The following ASPH variants were observed in gnomAD, a reference collection of about 807,000 sequenced individuals.
The protein encoded by ASPH is aspartate beta-hydroxylase.
Under a neutral mutation model 118.4 loss-of-function variants are expected in ASPH, and 100 were observed. The observed-to-expected ratio is 0.84, with a 90% CI of 0.72 to 1.00. The LOEUF is 1.00. ASPH is among the 50% of genes least tolerant of loss of function. ASPH has a pLI of 0.00. For missense variants in ASPH, 920 were observed against 919.5 expected (o/e 1.00, Z -0.01); for synonymous variants, 315 against 325.6 (o/e 0.97, Z 0.35).
At chr8:61,584,131 C>G in intron 14 of ASPH, 102 bp from the exon 15 acceptor site, 4 of 701,148 alleles carry the variant, frequency 5.7e-6, no homozygotes, top group Non-Finnish European at 6.9e-6. Flanking sequence ...CTGGTCTCCA[C>G]CAAAGACCTG....
chr8:61,642,933 AG>A lies in ASPH; in HGVS notation c.758-14del. 1 of 1,559,416 alleles carries A rather than the reference AG, an allele frequency of 6.4e-7. No homozygotes were observed. Among genetic ancestry groups the A allele is most frequent in the Non-Finnish European group, 8.6e-7 (1 of 1,158,950 alleles). On this transcript the variant is annotated splice_polypyrimidine_tract_variant and intron_variant, in intron 9 of 24. Transcript: ENST00000379454. The stretch of plus-strand genomic sequence containing the variant: ...TATGTTACATCATCTGAAAAAAAAA[AG>A]AGAATAAAAGCAAAATAAGTATTAA...
At chr8:61,580,000 A>T (rs1010964921) in intron 15 of ASPH, among the ~76,000 whole-genome samples, 2 of 151,510 alleles carry the variant, frequency 1.3e-5, no homozygotes, top group African/African-American at 4.9e-5. Flanking sequence ...TGTGGCAGTC[A>T]TTAAATTTTA....
At chr8:61,626,654 C>A (rs1227494989) in intron 13 of ASPH, among the ~76,000 whole-genome samples, 1 of 151,346 alleles carries the variant, frequency 6.6e-6, no homozygotes, top group Non-Finnish European at 1.5e-5. Context: ...CAAGGATCAA[C>A]TGGACACTAT....
intron 16 of ASPH, among the ~76,000 whole-genome samples, chr8:61,567,771 T>A (rs1009642384): frequency 5.9e-5 from 9 of 152,222 alleles, no homozygotes; most frequent in African/African-American, 2.4e-5. Flanking sequence ...CTACTTTGCA[T>A]CCATTTTGGA....
chr8:61,649,952 C>T (rs1326668585), intron 5 of ASPH, among the ~76,000 whole-genome samples: 1 of 152,138 alleles, frequency 6.6e-6, no homozygotes, highest in Admixed American at 6.5e-5. Flanking sequence ...ACTTTCAGGT[C>T]CTTTCCTGTC....
intron 16 of ASPH, among the ~76,000 whole-genome samples, chr8:61,572,018 A>C (rs1429637799): frequency 1.3e-5 from 2 of 152,216 alleles, no homozygotes; most frequent in Non-Finnish European, 2.9e-5. Flanking sequence ...AGAGGAATTT[A>C]TTTGAATCAA....
intron 19 of ASPH, among the ~76,000 whole-genome samples, chr8:61,554,504 T>TTAGC (rs1366405857): frequency 6.6e-6 from 1 of 152,192 alleles, no homozygotes; most frequent in Non-Finnish European, 1.5e-5. Context: ...AGCTATCTAA[T>TTAGC]TAGCTATGTC....
In ASPH at chr8:61,663,146, C is replaced by T. The variant is rs559240988; in HGVS notation, c.323-9486G>A. 2.0e-4 allele frequency: 194 copies of T among 985,362 alleles called. No individual in the cohort carries two copies. The Middle Eastern group carries it at 3.1e-3, about 16-fold the overall frequency. 61.0% of individuals were successfully genotyped at this position (985,362 alleles called of 1,614,324 possible). A position where few individuals can be genotyped will look rare whatever the true frequency, so the allele number is the denominator to read the frequency against. ...GGGATATGGTTTGAGAATCGTGTAA[C>T]TTTCATATGCCTGGGGGACATGTTC... On this transcript the variant is annotated intron_variant, in intron 3 of 24. Coordinates refer to ENST00000379454, the MANE Select transcript of ASPH (RefSeq NM_004318.4).
intron 1 of ASPH, among the ~76,000 whole-genome samples, chr8:61,713,434 C>T (rs566837451): frequency 8.5e-5 from 13 of 152,280 alleles, no homozygotes; most frequent in African/African-American, 2.9e-4. Context: ...TCTCAGAAAA[C>T]AAAGAGTCTA....
At chr8:61,623,236 TAA>T (rs781381011) in intron 13 of ASPH, among the ~76,000 whole-genome samples, 93 of 152,366 alleles carry the variant, frequency 6.1e-4, no homozygotes, top group Admixed American at 2.0e-3. Flanking sequence ...TGTCTTTTGA[TAA>T]AAGTCATTTT....
rs774225355 is a variant in ASPH at position 61,553,080 on chromosome 8, C to T, written c.1577G>A (p.Arg526Lys). ...GGCATCCCCCAGGTGGAAATAAAAT[C>T]TCCCATCATCAGTGCCAGGATCTCC... ...ESGDPGTDDG[R>K]FYFHLGDAMQ... is the part of the protein sequence containing the mutation. Residue 526 changes from arginine to lysine, a missense_variant, in exon 20 of 25, where the codon AGA (arginine) becomes AAA (lysine). Coordinates refer to ENST00000379454, the MANE Select transcript of ASPH (RefSeq NM_004318.4). 38 of 1,613,620 alleles carry T rather than the reference C, an allele frequency of 2.4e-5. 1 individual carries two copies. The South Asian group carries it at 3.5e-4, about 15-fold the overall frequency.
At position 61,578,393 on chromosome 8, in the gene ASPH, C is replaced by T. The variant is rs192587161; in HGVS notation, c.1063-1535G>A. Reference sequence around the variant, plus strand: ...TGGGAGGCGGCTATAGTGGGGCCAGCGGCATGGGAGGCATCACCGCAGTCA... The same window carrying T: ...TGGGAGGCGGCTATAGTGGGGCCAGTGGCATGGGAGGCATCACCGCAGTCA... On this transcript the variant is annotated intron_variant, in intron 15 of 24. Coordinates refer to ENST00000379454, the MANE Select transcript of ASPH (RefSeq NM_004318.4). The T allele has an allele frequency of 5.2e-4, 832 of 1,604,168 alleles. 2 individuals carry two copies. The African/African-American group carries it at 6.1e-3, about 12-fold the overall frequency.
intron 21 of ASPH, 150 bp downstream of exon 21, chr8:61,547,920 GA>G (rs1824511237): frequency 8.6e-7 from 1 of 1,159,816 alleles, no homozygotes; most frequent in African/African-American, 1.6e-5. Context: ...TGGTTAATGA[GA>G]TGACAATTCT....
At chr8:61,627,415 T>C (rs1853413869) in intron 13 of ASPH, among the ~76,000 whole-genome samples, 1 of 152,178 alleles carries the variant, frequency 6.6e-6, no homozygotes, top group African/African-American at 2.4e-5. Flanking sequence ...AGTGGTTACC[T>C]CTGGTTGGGG....
At chr8:61,675,992 C>T (rs1825117391) in intron 3 of ASPH, 21 of 1,562,680 alleles carry the variant, frequency 1.3e-5, no homozygotes, top group Non-Finnish European at 1.6e-5. Flanking sequence ...GCACATTAAG[C>T]CCTGCATAAG....
chr8:61,603,504 C>T (rs761114317), intron 14 of ASPH, among the ~76,000 whole-genome samples: 22 of 152,004 alleles, frequency 1.4e-4, no homozygotes, highest in South Asian at 8.3e-4. Context: ...ACTACTGCTA[C>T]ATAGAAAAAA....
chr8:61,577,946 C>A (rs1413946425), intron 15 of ASPH, among the ~76,000 whole-genome samples: 1 of 152,182 alleles, frequency 6.6e-6, no homozygotes, highest in Non-Finnish European at 1.5e-5. Context: ...AAAACACAAT[C>A]ATGCCTTTAC....
At chr8:61,570,775 C>T (rs1389023313) in intron 16 of ASPH, among the ~76,000 whole-genome samples, 1 of 152,146 alleles carries the variant, frequency 6.6e-6, no homozygotes, top group Non-Finnish European at 1.5e-5. Flanking sequence ...ATCGCAAAGC[C>T]TTTTGTTGAC....
intron 21 of ASPH, among the ~76,000 whole-genome samples, chr8:61,536,687 T>A (rs1819745778): frequency 6.6e-6 from 1 of 152,152 alleles, no homozygotes; most frequent in Admixed American, 6.5e-5. Context: ...ATCCTGGCTA[T>A]TTGGGGCTAT....
Sources: gnomAD v4.1 joint callset for allele counts (sites outside exome capture counted in the v4.1 genomes callset) on GRCh38, gnomAD v4.1.1 for gene constraint, MANE v1.5 for transcripts, NCBI Gene and HGNC (gene_info 2026-07-23, HGNC 2026-07-21) for gene names.